Variants in RGS3 observed in about 807,000 individuals in gnomAD.
RGS3 encodes the protein regulator of G-protein signalling 3.
RGS3 carries 80 observed loss-of-function variants against 132.6 expected under a neutral mutation model. That is an observed-to-expected ratio of 0.60 (90% confidence interval 0.50 to 0.73). The LOEUF (loss-of-function observed/expected upper bound fraction) is 0.73, where lower values mean the gene tolerates loss of function less well. RGS3 is among the 30% of genes least tolerant of loss of function. The pLI is 0.00. For synonymous variants in RGS3, 598 were observed against 620.6 expected, an observed-to-expected ratio of 0.96 and a Z score of 0.54; for missense variants, 1,382 against 1,530.8, an observed-to-expected ratio of 0.90 and a Z score of 1.62.
intron 19 of RGS3, among the ~76,000 whole-genome samples, chr9:113,563,939 G>A (rs1214808743): frequency 2.6e-5 from 4 of 152,110 alleles, no homozygotes; most frequent in Non-Finnish European, 5.9e-5. Context: ...AGGTGGGTGG[G>A]GTGGGCATGG....
At chr9:113,594,200 G>A (rs757612769) in intron 21 of RGS3, 43 of 1,612,984 alleles carry the variant, frequency 2.7e-5, no homozygotes, top group Admixed American at 5.0e-5. Flanking sequence ...TGCCCAGGAC[G>A]CGGGGTGGGG....
At position 113,506,742 on chromosome 9, in the gene RGS3, G is replaced by A. The variant is rs1039774052; in HGVS notation, c.1085+249G>A. On this transcript the variant is annotated intron_variant, in intron 12 of 24. Transcript: ENST00000350696. The surrounding 1 kb of genome is among the most constrained non-coding windows in gnomAD (Gnocchi z 4.7). ...TCTCAGACTCTGTGGTTCAGGACGG[G>A]GCACCAGGAGGTTGCTTTCTGCTTT... 3.3e-5 allele frequency among the ~76,000 whole-genome samples: 5 copies of A among 152,180 alleles called. No individual in the cohort carries two copies. The highest frequency in any genetic ancestry group is 1.2e-4 in the African/African-American group (5 of 41,444).
intron 3 of RGS3, among the ~76,000 whole-genome samples, chr9:113,467,501 A>T (rs772660236): frequency 1.3e-5 from 2 of 152,128 alleles, no homozygotes; most frequent in African/African-American, 2.4e-5. Context: ...ACATTTTTTC[A>T]TGTGCTCATT....
intron 19 of RGS3, among the ~76,000 whole-genome samples, chr9:113,547,493 G>A (rs7854197): frequency 0.12 from 18,014 of 152,108 alleles, 1,283 homozygotes; most frequent in African/African-American, 0.19. Context: ...CTTCCTTTCT[G>A]CTCAGGTGGC....
intron 19 of RGS3, among the ~76,000 whole-genome samples, chr9:113,548,385 T>G (rs1242346887): frequency 6.6e-6 from 1 of 152,242 alleles, no homozygotes; most frequent in Admixed American, 6.5e-5. Flanking sequence ...AGAGGTTGTC[T>G]AGTCCTCTGG....
exon 22 of RGS3, chr9:113,594,500 G>A: frequency 6.2e-7 from 1 of 1,613,716 alleles, no homozygotes. Flanking sequence ...CCCTCCCGCG[G>A]GCAAGGCAGA....
At position 113,516,921 on chromosome 9, in the gene RGS3, AC is replaced by A. The variant is rs541990035; in HGVS notation, c.1675-619del. 1.4e-3 allele frequency among the ~76,000 whole-genome samples: 215 copies of A among 152,326 alleles called. 1 individual carries two copies. Among genetic ancestry groups the A allele is most frequent in the Middle Eastern group, 6.8e-3 (2 of 294 alleles). ...TACTTAGAAGCCATATTAGAAATAT[AC>A]AGTCATAAGGACAAGTCCTGCTGGG... On this transcript the variant is annotated intron_variant, in intron 15 of 24. Coordinates refer to ENST00000350696, the Ensembl canonical transcript of RGS3.
At chr9:113,536,655 G>A (rs1832688986) in intron 18 of RGS3, 141 bp from the exon 17 acceptor site, 6 of 1,495,264 alleles carry the variant, frequency 4.0e-6, no homozygotes, top group Admixed American at 4.2e-5. Flanking sequence ...GGGGATTAGT[G>A]TGCATTTGCG....
Position 113,566,111 on chromosome 9 carries a change from G to T in RGS3, c.2038-17339G>T, listed in dbSNP as rs546299715. On this transcript the variant is annotated intron_variant, in intron 19 of 24. Transcript: ENST00000350696. ...GCCAGCAGGGTTGGCTATTGTATCAGGGGTGCTGGCCGCACACCAGGCACC... is the reference window on the plus strand; with the variant it reads ...GCCAGCAGGGTTGGCTATTGTATCATGGGTGCTGGCCGCACACCAGGCACC... 9.9e-5 allele frequency among the ~76,000 whole-genome samples: 15 copies of T among 151,974 alleles called. No homozygotes were observed. The South Asian group carries it at 1.2e-3, about 13-fold the overall frequency.
At chr9:113,577,266 G>C (rs1564596329) in intron 19 of RGS3, among the ~76,000 whole-genome samples, 1 of 152,238 alleles carries the variant, frequency 6.6e-6, no homozygotes, top group Non-Finnish European at 1.5e-5. Context: ...TTACAGGCTT[G>C]AGCCACCGTG....
At chr9:113,511,127 G>A (rs1381403454) in intron 14 of RGS3, among the ~76,000 whole-genome samples, 3 of 152,216 alleles carry the variant, frequency 2.0e-5, no homozygotes, top group Non-Finnish European at 4.4e-5. Context: ...GCTGTGGTTG[G>A]CATGTTTCCC....
At chr9:113,476,833 G>A (rs1422426877) in intron 3 of RGS3, among the ~76,000 whole-genome samples, 1 of 152,208 alleles carries the variant, frequency 6.6e-6, no homozygotes, top group Non-Finnish European at 1.5e-5. Context: ...CTGACTTCTG[G>A]GCAAAGGGCC....
At chr9:113,509,210 G>C (rs1831289630) in intron 14 of RGS3, among the ~76,000 whole-genome samples, 1 of 151,914 alleles carries the variant, frequency 6.6e-6, no homozygotes, top group South Asian at 2.1e-4. Flanking sequence ...ACTTGAACCT[G>C]GGAGGCAGAG....
chr9:113,508,672 G>A, intron 14 of RGS3, 92 bp downstream of exon 12: 1 of 1,347,150 alleles, frequency 7.4e-7, no homozygotes, highest in Non-Finnish European at 1.1e-6. Flanking sequence ...TGAGTTCTGA[G>A]GCCTTTCCAA....
chr9:113,530,640 G>A (rs571790712), intron 18 of RGS3, among the ~76,000 whole-genome samples: 102 of 152,358 alleles, frequency 6.7e-4, no homozygotes, highest in Middle Eastern at 6.8e-3. Flanking sequence ...TTCCAGGTTG[G>A]GTTAGTTTTT....
intron 3 of RGS3, among the ~76,000 whole-genome samples, chr9:113,469,769 A>C (rs919257593): frequency 6.6e-6 from 1 of 152,044 alleles, no homozygotes; most frequent in African/African-American, 2.4e-5. Flanking sequence ...TATATTTCTA[A>C]ATTTCTAAAT....
chr9:113,497,823 C>G (rs55683157), intron 9 of RGS3, among the ~76,000 whole-genome samples: 2 of 152,274 alleles, frequency 1.3e-5, no homozygotes, highest in Non-Finnish European at 2.9e-5. Flanking sequence ...TGACCCTTTT[C>G]CATGTTCTGC....
intron 24 of RGS3, among the ~76,000 whole-genome samples, chr9:113,596,192 G>C (rs1835766924): frequency 6.6e-6 from 1 of 152,222 alleles, no homozygotes; most frequent in Admixed American, 6.5e-5. Context: ...AAATTAGCCA[G>C]GTGTGGTGAT....
chr9:113,549,867 T>C (rs911680232), intron 19 of RGS3, among the ~76,000 whole-genome samples: 3 of 152,236 alleles, frequency 2.0e-5, no homozygotes, highest in Non-Finnish European at 4.4e-5. Context: ...AATTTTTCTT[T>C]GTTACAAAAA....
Sources: gnomAD v4.1 joint callset for allele counts (sites outside exome capture counted in the v4.1 genomes callset) on GRCh38, gnomAD v4.1.1 for gene constraint, Gnocchi (gnomAD v3.1) non-coding constraint, MANE v1.5 for transcripts, NCBI Gene and HGNC (gene_info 2026-07-23, HGNC 2026-07-21) for gene names.